The following TSPAN18 variants were observed in gnomAD, a reference collection of about 807,000 sequenced individuals.
The protein encoded by TSPAN18 is tetraspanin-18.
Under a neutral mutation model 27.3 loss-of-function variants are expected in TSPAN18, and 14 were observed. The ratio of observed to expected loss-of-function variants is 0.51; its 90% CI spans 0.34 to 0.80. TSPAN18 has a LOEUF of 0.80. Among genes scored for constraint, TSPAN18 ranks in the 30% least tolerant of loss-of-function variants. The probability of loss-of-function intolerance (pLI) is 0.01; values close to 1 mark genes in which losing one functional copy is unlikely to be tolerated. For synonymous variants in TSPAN18, 143 were observed against 136.5 expected, an observed-to-expected ratio of 1.05 and a Z score of -0.33; for missense variants, 268 against 323.9, an observed-to-expected ratio of 0.83 and a Z score of 1.32.
rs1340628327 is a variant in TSPAN18, at chr11:44,809,205, A to T, written c.-153+44693A>T. 5.9e-5 allele frequency among the ~76,000 whole-genome samples: 9 copies of T among 152,118 alleles called. No individual in the cohort carries two copies. In the East Asian group the frequency reaches 1.7e-3, roughly 29 times the overall value. On this transcript the variant is annotated intron_variant, in intron 2 of 9. Coordinates refer to ENST00000520358, the MANE Select transcript of TSPAN18 (RefSeq NM_130783.5). Reference sequence around the variant, plus strand: ...GCCTTCTTAACACTGTGCCATTCTGAGTTCCCCAGGAGTTCCTTTACACAC... The same window carrying T: ...GCCTTCTTAACACTGTGCCATTCTGTGTTCCCCAGGAGTTCCTTTACACAC...
chr11:44,921,725 G>A (rs1034182197), intron 8 of TSPAN18, among the ~76,000 whole-genome samples: 13 of 152,326 alleles, frequency 8.5e-5, no homozygotes, highest in African/African-American at 3.1e-4. Flanking sequence ...TTGTAACTTG[G>A]TGAAGGAGCT....
intron 1 of TSPAN18, among the ~76,000 whole-genome samples, chr11:44,763,938 A>G (rs757345155): frequency 2.0e-5 from 3 of 152,158 alleles, no homozygotes; most frequent in African/African-American, 7.2e-5. Flanking sequence ...TCACAGTTCT[A>G]TAGGCTGTAC....
At chr11:44,799,360 G>T (rs367790023) in intron 2 of TSPAN18, among the ~76,000 whole-genome samples, 1 of 152,084 alleles carries the variant, frequency 6.6e-6, no homozygotes, top group Non-Finnish European at 1.5e-5. Context: ...CCTATACCTT[G>T]GTCCAAACGA....
At chr11:44,917,312 TG>T in intron 5 of TSPAN18, among the ~76,000 whole-genome samples, 1 of 152,314 alleles carries the variant, frequency 6.6e-6, no homozygotes, top group Admixed American at 6.5e-5. Context: ...ACAGAGCCTG[TG>T]AGGTCCCCGA....
intron 2 of TSPAN18, among the ~76,000 whole-genome samples, chr11:44,783,582 A>G (rs1397140943): frequency 6.6e-6 from 1 of 151,978 alleles, no homozygotes; most frequent in East Asian, 1.9e-4. Flanking sequence ...TATTTTTAGT[A>G]GAGACGGGGT....
At chr11:44,726,911 G>GGGGGAGGGAGGGCGGGGGAGGGGA, upstream of TSPAN18, 1 of 128,654 alleles carries the variant, frequency 7.8e-6, no homozygotes, top group Non-Finnish European at 1.7e-5. Context: ...GGGCGGGGGA[G>GGGGGAGGGAGGGCGGGGGAGGGGA]GGGAGGGACG....
chr11:44,757,241 A>G (rs1855352680), intron 1 of TSPAN18, among the ~76,000 whole-genome samples: 1 of 152,094 alleles, frequency 6.6e-6, no homozygotes, highest in Non-Finnish European at 1.5e-5. Flanking sequence ...GTTCCTTCAC[A>G]TCCTAGCCAA....
intron 1 of TSPAN18, among the ~76,000 whole-genome samples, chr11:44,760,364 A>G (rs1448300842): frequency 2.6e-5 from 4 of 152,230 alleles, no homozygotes; most frequent in Non-Finnish European, 5.9e-5. Flanking sequence ...GGCAGGTTCT[A>G]TGAGGATGGA....
chr11:44,743,464 C>T (rs193179014), intron 1 of TSPAN18, among the ~76,000 whole-genome samples: 32 of 152,276 alleles, frequency 2.1e-4, no homozygotes, highest in African/African-American at 7.2e-4. Flanking sequence ...GGGCTGATTA[C>T]GTCTTGGGGC....
At chr11:44,921,143 C>G (rs970450678) in intron 8 of TSPAN18, among the ~76,000 whole-genome samples, 2 of 152,216 alleles carry the variant, frequency 1.3e-5, no homozygotes, top group Non-Finnish European at 2.9e-5. Context: ...CCCTCATCAC[C>G]CTGCCTTCCT....
chr11:44,854,148 A>G (rs1857671262), intron 2 of TSPAN18, among the ~76,000 whole-genome samples: 1 of 127,202 alleles, frequency 7.9e-6, no homozygotes, highest in Non-Finnish European at 1.6e-5. Context: ...ACATACACAC[A>G]TGCCTGTGCC....
chr11:44,854,200 T>TG (rs397848626), intron 2 of TSPAN18, among the ~76,000 whole-genome samples: 54,705 of 76,378 alleles, frequency 0.72, 21,015 homozygotes, highest in Non-Finnish European at 0.89. Flanking sequence ...GGGCAGGGGG[T>TG]GGGGGGGGGG....
At chr11:44,865,432 A>G (rs1858010493) in intron 3 of TSPAN18, among the ~76,000 whole-genome samples, 1 of 152,220 alleles carries the variant, frequency 6.6e-6, no homozygotes, top group African/African-American at 2.4e-5. Flanking sequence ...AACACCCTTA[A>G]GCTATTTGTT....
At chr11:44,882,289 G>C (rs542214466) in intron 3 of TSPAN18, among the ~76,000 whole-genome samples, 1 of 152,152 alleles carries the variant, frequency 6.6e-6, no homozygotes, top group Non-Finnish European at 1.5e-5. Context: ...GCAGCTGGGG[G>C]GAAATGAAAC....
intron 3 of TSPAN18, chr11:44,901,275 T>C (rs1859254208): frequency 6.6e-6 from 1 of 152,272 alleles, no homozygotes; most frequent in African/African-American, 2.4e-5. Flanking sequence ...ATTGCATTTG[T>C]CTGGGAGCCC....
chr11:44,844,277 C>T (rs1275709531), intron 2 of TSPAN18, among the ~76,000 whole-genome samples: 2 of 148,418 alleles, frequency 1.3e-5, no homozygotes. Flanking sequence ...TGGATCGTTT[C>T]CTTTTTTTTT....
At chr11:44,899,408 T>C (rs1054467653) in intron 3 of TSPAN18, among the ~76,000 whole-genome samples, 6 of 152,334 alleles carry the variant, frequency 3.9e-5, no homozygotes, top group African/African-American at 2.4e-5. Context: ...ATTTGAAATA[T>C]TGAAAATAAC....
intron 1 of TSPAN18, among the ~76,000 whole-genome samples, chr11:44,748,983 A>G (rs903540910): frequency 1.3e-5 from 2 of 151,918 alleles, no homozygotes; most frequent in Non-Finnish European, 1.5e-5. Flanking sequence ...ATCCATTCCC[A>G]TTTTTGGGAT....
intron 3 of TSPAN18, among the ~76,000 whole-genome samples, chr11:44,894,707 G>C (rs761574062): frequency 6.6e-6 from 1 of 152,230 alleles, no homozygotes; most frequent in Non-Finnish European, 1.5e-5. Context: ...GCTCCCATCT[G>C]TCAAGGGATG....
Sources: allele counts gnomAD v4.1 joint callset (sites outside exome capture counted in the v4.1 genomes callset), GRCh38; gene constraint gnomAD v4.1.1; transcripts MANE v1.5; gene names NCBI Gene and HGNC (gene_info 2026-07-23, HGNC 2026-07-21).